The following SLC39A11 variants were observed in gnomAD, a reference collection of about 807,000 sequenced individuals.
The protein encoded by SLC39A11 is solute carrier family 39 member 11, also known as zinc transporter ZIP11.
Under a neutral mutation model 36.1 loss-of-function variants are expected in SLC39A11, and 33 were observed. The observed-to-expected ratio is 0.91, with a 90% CI of 0.69 to 1.22. The LOEUF is 1.22. Among genes scored for constraint, SLC39A11 ranks in the 50% most tolerant of loss-of-function variants. The probability of loss-of-function intolerance (pLI) is 0.00; values close to 1 mark genes in which losing one functional copy is unlikely to be tolerated. For synonymous variants in SLC39A11, 166 were observed against 170.3 expected, an observed-to-expected ratio of 0.97 and a Z score of 0.20; for missense variants, 432 against 430.3, an observed-to-expected ratio of 1.00 and a Z score of -0.03.
chr17:72,653,199 G>A (rs2069937323), intron 7 of SLC39A11, among the ~76,000 whole-genome samples: 1 of 151,790 alleles, frequency 6.6e-6, no homozygotes, highest in African/African-American at 2.4e-5. Flanking sequence ...TCACCTCTGG[G>A]GTTCAAGCGA....
chr17:72,906,035 G>C (rs370606771), intron 5 of SLC39A11, among the ~76,000 whole-genome samples: 3 of 152,184 alleles, frequency 2.0e-5, no homozygotes, highest in African/African-American at 7.2e-5. Context: ...TTACAGGCGT[G>C]AGCCACCACA....
At chr17:72,728,742 G>C (rs1172250972) in intron 7 of SLC39A11, among the ~76,000 whole-genome samples, 1 of 152,094 alleles carries the variant, frequency 6.6e-6, no homozygotes, top group Non-Finnish European at 1.5e-5. Flanking sequence ...CAGTTAGCTT[G>C]GTGCACGTGT....
In SLC39A11 at chr17:72,653,641, T is replaced by G. The variant is rs147431678; in HGVS notation, c.672-4373A>C. Among the ~76,000 whole-genome samples, 298 of 152,266 alleles carry G rather than the reference T, an allele frequency of 2.0e-3. 1 individual carries two copies. The highest frequency in any genetic ancestry group is 6.9e-3 in the African/African-American group (288 of 41,554). ...TTTTAGTAGAGATGGGGTTTTACCA[T>G]GTTGGCCAGGGTGGTCTCGAACTCC... On this transcript the variant is annotated intron_variant, in intron 7 of 9. Coordinates refer to ENST00000255559, the MANE Select transcript of SLC39A11 (RefSeq NM_139177.4).
intron 4 of SLC39A11, among the ~76,000 whole-genome samples, chr17:72,964,034 C>T (rs1248539909): frequency 6.6e-6 from 1 of 152,032 alleles, no homozygotes; most frequent in African/African-American, 2.4e-5. Context: ...GCTGCTAGGA[C>T]CCCCAAAAGT....
At chr17:72,651,957 T>C (rs1205487568) in intron 7 of SLC39A11, among the ~76,000 whole-genome samples, 1 of 152,136 alleles carries the variant, frequency 6.6e-6, no homozygotes, top group Non-Finnish European at 1.5e-5. Flanking sequence ...TTTGACTCCT[T>C]AGAGAGGGGC....
Position 72,999,686 on chromosome 17 carries a change from T to C in SLC39A11, c.306+31870A>G, listed in dbSNP as rs144702103. Among the ~76,000 whole-genome samples the C allele has an allele frequency of 1.9e-3, 284 of 152,332 alleles. 1 individual carries two copies. Among genetic ancestry groups the C allele is most frequent in the Non-Finnish European group, 3.5e-3 (241 of 68,022 alleles). ...ATTTCCTGCTGTGGTGAACACTGAC[T>C]GCCTAGGGCTGCAGATGGTTTTCTT... On this transcript the variant is annotated intron_variant, in intron 4 of 9. Transcript: ENST00000255559.
intron 4 of SLC39A11, among the ~76,000 whole-genome samples, chr17:72,958,719 C>T (rs896927575): frequency 6.6e-6 from 1 of 152,048 alleles, no homozygotes; most frequent in Non-Finnish European, 1.5e-5. Flanking sequence ...GGTGTGATGG[C>T]ATGCACCTGT....
intron 6 of SLC39A11, among the ~76,000 whole-genome samples, chr17:72,763,097 C>A (rs1232420943): frequency 6.6e-6 from 1 of 152,142 alleles, no homozygotes; most frequent in Non-Finnish European, 1.5e-5. Context: ...CTGACCACAA[C>A]CTTAAAGCAC....
intron 3 of SLC39A11, 41 bp downstream of exon 3, chr17:73,084,767 G>A (rs780674575): frequency 1.9e-6 from 3 of 1,608,376 alleles, no homozygotes; most frequent in Middle Eastern, 3.3e-4. Flanking sequence ...GTCAGAATCA[G>A]TATGCCTCAA....
At chr17:72,965,088 G>A (rs914135716) in intron 4 of SLC39A11, among the ~76,000 whole-genome samples, 1 of 151,846 alleles carries the variant, frequency 6.6e-6, no homozygotes, top group Non-Finnish European at 1.5e-5. Flanking sequence ...AACATCACCG[G>A]GGCCTGTTGT....
intron 4 of SLC39A11, among the ~76,000 whole-genome samples, chr17:72,956,859 A>G (rs1338093903): frequency 6.6e-6 from 1 of 152,216 alleles, no homozygotes; most frequent in East Asian, 1.9e-4. Context: ...GCTAGGTAGC[A>G]AAACACCCCA....
chr17:72,927,782 T>C (rs2084134810), intron 5 of SLC39A11, among the ~76,000 whole-genome samples: 1 of 151,570 alleles, frequency 6.6e-6, no homozygotes, highest in African/African-American at 2.4e-5. Flanking sequence ...GCAAAAATAA[T>C]CAGTTCTATT....
chr17:73,000,605 T>C (rs898341325), intron 4 of SLC39A11, among the ~76,000 whole-genome samples: 11 of 152,192 alleles, frequency 7.2e-5, no homozygotes, highest in Non-Finnish European at 1.3e-4. Context: ...TGGGAGCTAC[T>C]TGGTATCCTT....
At chr17:72,888,203 T>C (rs1567888925) in intron 5 of SLC39A11, among the ~76,000 whole-genome samples, 1 of 152,218 alleles carries the variant, frequency 6.6e-6, no homozygotes, top group Non-Finnish European at 1.5e-5. Context: ...AATGAAACCC[T>C]GAGTCTAAAC....
At chr17:72,666,020 G>A (rs1292175232) in intron 7 of SLC39A11, among the ~76,000 whole-genome samples, 2 of 152,186 alleles carry the variant, frequency 1.3e-5, no homozygotes, top group Non-Finnish European at 2.9e-5. Context: ...ACGTCTAAGA[G>A]TTCTAGCAGG....
At chr17:72,982,522 A>G (rs941047075) in intron 4 of SLC39A11, among the ~76,000 whole-genome samples, 32 of 152,208 alleles carry the variant, frequency 2.1e-4, no homozygotes, top group African/African-American at 7.0e-4. Context: ...TCTTTCGTCC[A>G]TATCGGTCAA....
intron 4 of SLC39A11, among the ~76,000 whole-genome samples, chr17:73,023,226 T>TAA (rs57999699): frequency 1.5e-4 from 22 of 142,452 alleles, no homozygotes; most frequent in Admixed American, 2.8e-4. Context: ...TCACAGTGCC[T>TAA]AAAAAAAAAA....
chr17:72,980,596 A>G (rs1232440561), intron 4 of SLC39A11, among the ~76,000 whole-genome samples: 1 of 152,256 alleles, frequency 6.6e-6, no homozygotes, highest in Non-Finnish European at 1.5e-5. Context: ...AATAACCAAG[A>G]AACTTTTGAA....
chr17:73,077,485 T>C (rs2060362678), intron 3 of SLC39A11, among the ~76,000 whole-genome samples: 1 of 152,172 alleles, frequency 6.6e-6, no homozygotes, highest in Non-Finnish European at 1.5e-5. Flanking sequence ...GCCTGGCTAA[T>C]TTTTGGTTTT....
Sources: gnomAD v4.1 joint callset for allele counts (sites outside exome capture counted in the v4.1 genomes callset) on GRCh38, gnomAD v4.1.1 for gene constraint, MANE v1.5 for transcripts, NCBI Gene and HGNC (gene_info 2026-07-23, HGNC 2026-07-21) for gene names.